MRTFB: variants seen among roughly 807,000 people sequenced by gnomAD.
MRTFB encodes the protein myocardin-related transcription factor B.
MRTFB carries 29 observed loss-of-function variants against 104.2 expected under a neutral mutation model. The ratio of observed to expected loss-of-function variants is 0.28; its 90% CI spans 0.21 to 0.38. MRTFB has a LOEUF of 0.38. Among genes scored for constraint, MRTFB ranks in the 10% least tolerant of loss-of-function variants. The probability of loss-of-function intolerance (pLI) is 1.00; values close to 1 mark genes in which losing one functional copy is unlikely to be tolerated. For synonymous variants in MRTFB, 535 were observed against 519.5 expected (o/e 1.03, Z -0.41); for missense variants, 1,270 against 1,341.6 (o/e 0.95, Z 0.83).
intron 3 of MRTFB, chr16:14,186,597 G>A: frequency 1.4e-6 from 1 of 699,482 alleles, no homozygotes; most frequent in Non-Finnish European, 2.0e-6. Context: ...CAGCGCGGGG[G>A]AAGCTGGAAT....
chr16:14,012,570 T>C, the MRTFB span, among the ~76,000 whole-genome samples: 1 of 152,122 alleles, frequency 6.6e-6, no homozygotes, highest in Non-Finnish European at 1.5e-5. Context: ...AGTGCTGGGA[T>C]AACAGGCGTG....
chr16:14,183,163 T>G (rs2039825741), intron 3 of MRTFB, among the ~76,000 whole-genome samples: 2 of 152,240 alleles, frequency 1.3e-5, no homozygotes, highest in Admixed American at 6.5e-5. Context: ...TACTTGAATT[T>G]GTGTATTACC....
At chr16:14,170,487 T>C (rs2039388175) in intron 3 of MRTFB, 1 of 147,162 alleles carries the variant, frequency 6.8e-6, no homozygotes, top group African/African-American at 2.7e-5. Context: ...CACTCAATAG[T>C]TATTTTTTGA....
At chr16:14,207,213 G>A (rs1275917648) in intron 3 of MRTFB, among the ~76,000 whole-genome samples, 1 of 152,158 alleles carries the variant, frequency 6.6e-6, no homozygotes, top group East Asian at 1.9e-4. Flanking sequence ...AAGTTTTATA[G>A]GCAATGATGA....
intron 3 of MRTFB, among the ~76,000 whole-genome samples, chr16:14,197,063 G>T (rs569001213): frequency 1.1e-3 from 158 of 141,500 alleles, no homozygotes; most frequent in Non-Finnish European, 2.0e-3. Flanking sequence ...TCTGCCTCCC[G>T]GGTTCAAGCG....
chr16:14,152,977 A>G (rs2038688642), intron 3 of MRTFB: 2 of 152,198 alleles, frequency 1.3e-5, no homozygotes, highest in African/African-American at 4.8e-5. Flanking sequence ...ACAGGCAAGT[A>G]AATTGATTTA....
At chr16:14,141,739 G>C (rs1342398706) in intron 3 of MRTFB, 1 of 151,720 alleles carries the variant, frequency 6.6e-6, no homozygotes, top group African/African-American at 2.4e-5. Flanking sequence ...TAGGCCTTTA[G>C]TACATGTCTT....
chr16:14,014,853 G>A, the MRTFB span, among the ~76,000 whole-genome samples: 1 of 152,100 alleles, frequency 6.6e-6, no homozygotes, highest in Non-Finnish European at 1.5e-5. Flanking sequence ...TGGCGACAGG[G>A]CAAGACTCCA....
At chr16:14,084,296 G>C (rs1261965571) in intron 2 of MRTFB, among the ~76,000 whole-genome samples, 9 of 152,194 alleles carry the variant, frequency 5.9e-5, no homozygotes, top group Non-Finnish European at 1.3e-4. Flanking sequence ...CCAGCACTTT[G>C]GGAGGCTGAG....
intron 3 of MRTFB, chr16:14,200,306 A>C (rs758528090): frequency 3.7e-6 from 6 of 1,604,928 alleles, no homozygotes; most frequent in African/African-American, 1.3e-5. Flanking sequence ...CCGGACCCGT[A>C]CGCTGCTGCG....
the MRTFB span, among the ~76,000 whole-genome samples, chr16:14,000,007 C>T: frequency 6.6e-6 from 1 of 152,142 alleles, no homozygotes; most frequent in East Asian, 1.9e-4. Flanking sequence ...CTCCTGTCAC[C>T]ATAGCACTGT....
At chr16:14,103,639 G>T (rs193262744) in intron 2 of MRTFB, among the ~76,000 whole-genome samples, 3 of 152,114 alleles carry the variant, frequency 2.0e-5, no homozygotes, top group Admixed American at 1.3e-4. Flanking sequence ...ATACACATTG[G>T]CCAGTTTGCT....
chr16:14,152,037 G>T (rs1301456180), intron 3 of MRTFB: 1 of 151,840 alleles, frequency 6.6e-6, no homozygotes, highest in Non-Finnish European at 1.5e-5. Context: ...AGATATGGTT[G>T]CTGAGACTCT....
At position 14,252,497 on chromosome 16, in the gene MRTFB, C is replaced by G; in HGVS notation, c.2698C>G (p.Pro900Ala). The change falls in exon 15 of 17, where the codon CCA becomes GCA. Residue 900 changes from proline (P) to alanine (A), a missense_variant. Transcript: ENST00000571589. Reference protein sequence around the residue: ...KQTRSTQAPLPEISNAHSQQM... With the variant: ...KQTRSTQAPLAEISNAHSQQM... ...GACACGCAGCACACAGGCCCCTCTG[C>G]CAGAGGTAAGTGAGGGCACGGTCAT... is the stretch of plus-strand genomic sequence containing the variant. The G allele has an allele frequency of 6.2e-7, 1 of 1,613,900 alleles. No individual in the cohort carries two copies. Among genetic ancestry groups the G allele is most frequent in the Non-Finnish European group, 8.5e-7 (1 of 1,179,988 alleles).
chr16:14,111,078 A>G (rs1348271018), intron 2 of MRTFB, among the ~76,000 whole-genome samples: 2 of 152,140 alleles, frequency 1.3e-5, no homozygotes, highest in Non-Finnish European at 2.9e-5. Flanking sequence ...TGAGCATTCC[A>G]TGTTTTTTCC....
At chr16:14,202,626 T>G (rs2040757575) in intron 3 of MRTFB, among the ~76,000 whole-genome samples, 1 of 152,242 alleles carries the variant, frequency 6.6e-6, no homozygotes, top group Non-Finnish European at 1.5e-5. Flanking sequence ...TTTCACCAAG[T>G]GTCTAATGTA....
chr16:14,075,979 A>G (rs1285319513), intron 1 of MRTFB, among the ~76,000 whole-genome samples: 1 of 152,056 alleles, frequency 6.6e-6, no homozygotes. Context: ...CTAAATTCCA[A>G]TTGTCTTGAT....
the MRTFB span, among the ~76,000 whole-genome samples, chr16:14,005,201 A>G: frequency 2.6e-5 from 4 of 152,236 alleles, no homozygotes; most frequent in African/African-American, 9.6e-5. Flanking sequence ...GCTTATTTCT[A>G]CATTTCTTTG....
At chr16:14,249,243 C>T (rs749367977) in intron 13 of MRTFB, among the ~76,000 whole-genome samples, 162 bp downstream of exon 13, 1 of 152,216 alleles carries the variant, frequency 6.6e-6, no homozygotes, top group Admixed American at 6.5e-5. Flanking sequence ...CATTTGGCTG[C>T]AGATTTCCCA....
Sources: allele counts gnomAD v4.1 joint callset (sites outside exome capture counted in the v4.1 genomes callset), GRCh38; gene constraint gnomAD v4.1.1; transcripts MANE v1.5; gene names NCBI Gene and HGNC (gene_info 2026-07-23, HGNC 2026-07-21).